The following SDK1 variants were observed in gnomAD, a reference collection of about 807,000 sequenced individuals.
SDK1 encodes the protein protein sidekick-1.
Under a neutral mutation model 245.5 loss-of-function variants are expected in SDK1, and 157 were observed. The observed-to-expected ratio is 0.64, with a 90% confidence interval of 0.56 to 0.73. The LOEUF is 0.73. Ranked by LOEUF, SDK1 falls within the 30% of genes least tolerant of loss-of-function variation. The pLI is 0.00. For missense variants in SDK1, 3,583 were observed against 3,002.3 expected (o/e 1.19, Z -4.52); for synonymous variants, 1,647 against 1,278.5 (o/e 1.29, Z -6.15).
intron 4 of SDK1, among the ~76,000 whole-genome samples, chr7:3,763,026 T>C (rs774983119): frequency 6.6e-6 from 1 of 152,232 alleles, no homozygotes; most frequent in South Asian, 2.1e-4. Flanking sequence ...GGAGAGTAAT[T>C]TTCTGGGATC....
intron 32 of SDK1, among the ~76,000 whole-genome samples, chr7:4,169,138 C>T (rs1781678774): frequency 6.6e-6 from 1 of 152,232 alleles, no homozygotes; most frequent in Non-Finnish European, 1.5e-5. Flanking sequence ...ATCTCTCATT[C>T]AGCAAAGGGC....
At chr7:3,433,697 T>A (rs1417144418) in intron 1 of SDK1, among the ~76,000 whole-genome samples, 1 of 152,184 alleles carries the variant, frequency 6.6e-6, no homozygotes, top group African/African-American at 2.4e-5. Flanking sequence ...AATCTTTTTG[T>A]CATTCCAGCT....
At chr7:4,115,329 A>AT (rs2128192249) in intron 25 of SDK1, among the ~76,000 whole-genome samples, 1 of 152,262 alleles carries the variant, frequency 6.6e-6, no homozygotes, top group East Asian at 1.9e-4. Context: ...TACAACTTAA[A>AT]TTCCTGACCT....
intron 1 of SDK1, among the ~76,000 whole-genome samples, chr7:3,386,145 AT>A (rs1377166787): frequency 6.6e-6 from 1 of 152,216 alleles, no homozygotes; most frequent in Admixed American, 6.5e-5. Flanking sequence ...TTTAAAAAAA[AT>A]TGGATAGCAG....
intron 2 of SDK1, among the ~76,000 whole-genome samples, chr7:3,622,396 G>A (rs570941985): frequency 2.6e-5 from 4 of 152,108 alleles, no homozygotes; most frequent in Non-Finnish European, 2.9e-5. Context: ...CAGGAGAATC[G>A]CTTGAGCCCA....
At chr7:4,229,274 G>T (rs1328212476) in intron 40 of SDK1, among the ~76,000 whole-genome samples, 1 of 152,152 alleles carries the variant, frequency 6.6e-6, no homozygotes, top group Non-Finnish European at 1.5e-5. Flanking sequence ...ATTAGTACGA[G>T]ATAAGTAGCC....
intron 5 of SDK1, among the ~76,000 whole-genome samples, chr7:3,891,648 C>A (rs1412171781): frequency 6.6e-6 from 1 of 152,194 alleles, no homozygotes; most frequent in Non-Finnish European, 1.5e-5. Flanking sequence ...ATGCTTCCAA[C>A]AGGCCAAATT....
intron 35 of SDK1, among the ~76,000 whole-genome samples, chr7:4,180,890 C>T (rs763100711): frequency 2.6e-5 from 4 of 152,142 alleles, no homozygotes; most frequent in East Asian, 1.9e-4. Context: ...CCCACCTGCA[C>T]GTTGGGGATT....
At chr7:3,561,529 A>AGGTGGT (rs1428477770) in intron 1 of SDK1, among the ~76,000 whole-genome samples, 3 of 152,082 alleles carry the variant, frequency 2.0e-5, no homozygotes. Flanking sequence ...GCCACCCCTA[A>AGGTGGT]GGTGGTGGTG....
chr7:3,452,135 G>A (rs1163167428), intron 1 of SDK1, among the ~76,000 whole-genome samples: 2 of 152,158 alleles, frequency 1.3e-5, no homozygotes, highest in Non-Finnish European at 2.9e-5. Context: ...TAAGTTATGA[G>A]CATTTTTGTT....
At chr7:3,310,216 C>G (rs1053474104) in intron 1 of SDK1, among the ~76,000 whole-genome samples, 1 of 152,176 alleles carries the variant, frequency 6.6e-6, no homozygotes, top group Non-Finnish European at 1.5e-5. Flanking sequence ...GCTTCAGACC[C>G]TCAAAGATAG....
At chr7:3,827,821 C>G (rs1779813993) in intron 5 of SDK1, among the ~76,000 whole-genome samples, 1 of 152,142 alleles carries the variant, frequency 6.6e-6, no homozygotes, top group Non-Finnish European at 1.5e-5. Context: ...AAGATGGAAG[C>G]TGTCTGGATA....
At chr7:3,609,241 T>A (rs1781515355) in intron 1 of SDK1, among the ~76,000 whole-genome samples, 1 of 152,178 alleles carries the variant, frequency 6.6e-6, no homozygotes, top group Admixed American at 6.5e-5. Context: ...TCCTTAATTT[T>A]TTTGTATGTT....
intron 1 of SDK1, 129 bp downstream of exon 1, chr7:3,302,013 T>TCC: frequency 1.5e-5 from 10 of 673,914 alleles, no homozygotes; most frequent in East Asian, 9.1e-5. Context: ...TGCTGGGGGC[T>TCC]CTAGGGAGCC....
At chr7:3,497,798 C>G (rs1420314057) in intron 1 of SDK1, among the ~76,000 whole-genome samples, 1 of 152,176 alleles carries the variant, frequency 6.6e-6, no homozygotes, top group East Asian at 1.9e-4. Context: ...TAAAAACGCA[C>G]ACAATAATTT....
At chr7:3,598,646 CCT>C (rs1781149493) in intron 1 of SDK1, among the ~76,000 whole-genome samples, 1 of 152,166 alleles carries the variant, frequency 6.6e-6, no homozygotes. Flanking sequence ...CCTGGCAAAC[CCT>C]AATCCCTTCT....
chr7:3,554,351 G>T (rs1045778917), intron 1 of SDK1, among the ~76,000 whole-genome samples: 1 of 152,094 alleles, frequency 6.6e-6, no homozygotes, highest in Non-Finnish European at 1.5e-5. Context: ...AATAATACAT[G>T]ATTTAAAGAT....
chr7:3,656,389 AAC>A (rs1783185534), intron 4 of SDK1, among the ~76,000 whole-genome samples: 1 of 152,206 alleles, frequency 6.6e-6, no homozygotes, highest in East Asian at 1.9e-4. Flanking sequence ...ACTCTCCCCA[AAC>A]ACAGGTCATT....
chr7:4,159,437 A>T (rs926128566), intron 31 of SDK1, among the ~76,000 whole-genome samples: 1 of 152,208 alleles, frequency 6.6e-6, no homozygotes, highest in South Asian at 2.1e-4. Context: ...CTCCCAGCAG[A>T]GCAGAACCTG....
Sources: gnomAD v4.1 joint callset for allele counts (sites outside exome capture counted in the v4.1 genomes callset) on GRCh38, gnomAD v4.1.1 for gene constraint, MANE v1.5 for transcripts, NCBI Gene and HGNC (gene_info 2026-07-23, HGNC 2026-07-21) for gene names.